GPM6A: variants seen among roughly 807,000 people sequenced by gnomAD.
GPM6A encodes the protein glycoprotein M6A.
GPM6A carries 7 observed loss-of-function variants against 32.1 expected under a neutral mutation model. The ratio of observed to expected loss-of-function variants is 0.22; its 90% CI spans 0.12 to 0.41. GPM6A has a LOEUF of 0.41. GPM6A is among the 10% of genes least tolerant of loss of function. The pLI is 1.00. For missense variants in GPM6A, 235 were observed against 347.2 expected (o/e 0.68, Z 2.57); for synonymous variants, 130 against 123.4 (o/e 1.05, Z -0.35).
At chr4:175,822,852 G>A (rs1309408850) in intron 1 of GPM6A, among the ~76,000 whole-genome samples, 4 of 151,824 alleles carry the variant, frequency 2.6e-5, no homozygotes, top group Non-Finnish European at 4.4e-5. Context: ...GGCAGGCCCC[G>A]GTGTGTGATG....
chr4:175,991,953 T>C (rs942020423), intron 1 of GPM6A, among the ~76,000 whole-genome samples: 7 of 151,822 alleles, frequency 4.6e-5, no homozygotes, highest in Non-Finnish European at 8.8e-5. Flanking sequence ...GTAAAATGAT[T>C]CCATCATAAC....
chr4:175,950,157 C>A (rs1739758586), intron 1 of GPM6A, among the ~76,000 whole-genome samples: 1 of 152,098 alleles, frequency 6.6e-6, no homozygotes, highest in South Asian at 2.1e-4. Context: ...TAATATATTT[C>A]TTTCTACTGT....
chr4:175,763,742 T>A (rs1193076009), intron 1 of GPM6A, among the ~76,000 whole-genome samples: 1 of 152,074 alleles, frequency 6.6e-6, no homozygotes, highest in Non-Finnish European at 1.5e-5. Context: ...CAGGCTTTTT[T>A]AAAAAAACAG....
intron 1 of GPM6A, among the ~76,000 whole-genome samples, chr4:175,803,131 C>T (rs1734538309): frequency 1.3e-5 from 2 of 150,708 alleles, no homozygotes; most frequent in Non-Finnish European, 3.0e-5. Flanking sequence ...TCTTCCCCTC[C>T]CCTCTTCCTT....
At chr4:175,977,207 C>G (rs1412641421) in intron 1 of GPM6A, among the ~76,000 whole-genome samples, 1 of 152,128 alleles carries the variant, frequency 6.6e-6, no homozygotes, top group Non-Finnish European at 1.5e-5. Context: ...TGTAAAGTAG[C>G]CAGACTGATT....
chr4:175,660,414 G>T (rs1004286815), intron 3 of GPM6A, among the ~76,000 whole-genome samples: 1 of 151,758 alleles, frequency 6.6e-6, no homozygotes, highest in Non-Finnish European at 1.5e-5. Flanking sequence ...GGACATAAAA[G>T]TTGTCTACAA....
chr4:175,812,166 C>A (rs752899483), intron 1 of GPM6A, 25 bp downstream of exon 1: 10 of 1,515,846 alleles, frequency 6.6e-6, no homozygotes, highest in Admixed American at 1.8e-5. Flanking sequence ...TACTTAGTTA[C>A]AAATAAACGC....
At chr4:175,757,262 C>T (rs1732563920) in intron 1 of GPM6A, among the ~76,000 whole-genome samples, 1 of 151,982 alleles carries the variant, frequency 6.6e-6, no homozygotes, top group Admixed American at 6.6e-5. Context: ...TGAGGACTCC[C>T]CCTGAGAGCC....
rs143065719 is a variant in GPM6A at position 175,839,110 on chromosome 4, T to C, written c.-22-26861A>G. On this transcript the variant is annotated intron_variant, in intron 1 of 7. Transcript: ENST00000280187. ...AAGATTATCCAATATAAAGTAAGCA[T>C]TAATAGCCTATTTAAAAAGCCAGAC... is the stretch of plus-strand genomic sequence containing the variant. 3.7e-3 allele frequency among the ~76,000 whole-genome samples: 565 copies of C among 152,344 alleles called. 2 individuals carry two copies. The highest frequency in any genetic ancestry group is 0.013 in the African/African-American group (530 of 41,580).
Position 175,698,115 on chromosome 4 carries a change from G to A in GPM6A, c.230+3460C>T, listed in dbSNP as rs962847843. Among the ~76,000 whole-genome samples, 7 of 152,084 alleles carry A rather than the reference G, an allele frequency of 4.6e-5. 1 individual carries two copies. Among genetic ancestry groups the A allele is most frequent in the Admixed American group, 2.6e-4 (4 of 15,252 alleles). On this transcript the variant is annotated intron_variant, in intron 2 of 6. Coordinates refer to ENST00000393658, the MANE Select transcript of GPM6A (RefSeq NM_201591.3). The stretch of plus-strand genomic sequence containing the variant: ...GAAAAGAGAGGGAGAGAGAAATTTT[G>A]TGGTCCCTGAGATAAAGAAGTAGGT...
chr4:175,727,353 A>G (rs914626158), intron 1 of GPM6A, among the ~76,000 whole-genome samples: 5 of 152,228 alleles, frequency 3.3e-5, no homozygotes, highest in Non-Finnish European at 5.9e-5. Context: ...AAGTTGAAGA[A>G]TAGCAAATAC....
intron 1 of GPM6A, among the ~76,000 whole-genome samples, chr4:175,904,040 A>G (rs1197636186): frequency 6.6e-6 from 1 of 152,208 alleles, no homozygotes; most frequent in East Asian, 1.9e-4. Context: ...ACTATATTCT[A>G]TGTGGATGGA....
intron 1 of GPM6A, among the ~76,000 whole-genome samples, chr4:175,939,199 G>A (rs763413509): frequency 2.6e-5 from 4 of 152,152 alleles, no homozygotes; most frequent in Non-Finnish European, 4.4e-5. Flanking sequence ...TGAATGCAAG[G>A]AAGACCCAGT....
chr4:176,002,189 G>T (rs984612146), intron 1 of GPM6A: 27 of 1,125,748 alleles, frequency 2.4e-5, no homozygotes, highest in South Asian at 1.5e-4. Flanking sequence ...GCCAGGCGCG[G>T]GGGGAACAGA....
intron 1 of GPM6A, among the ~76,000 whole-genome samples, chr4:175,834,171 A>G (rs1232953760): frequency 6.6e-6 from 1 of 152,088 alleles, no homozygotes; most frequent in Non-Finnish European, 1.5e-5. Flanking sequence ...CAGGCCTTTA[A>G]TCTGAAAATG....
At chr4:175,866,761 A>G (rs1736752385) in intron 1 of GPM6A, among the ~76,000 whole-genome samples, 1 of 152,190 alleles carries the variant, frequency 6.6e-6, no homozygotes, top group Non-Finnish European at 1.5e-5. Flanking sequence ...CATGTTCCCA[A>G]CTTCTTTGGG....
At chr4:175,921,042 A>C (rs934714769) in intron 1 of GPM6A, among the ~76,000 whole-genome samples, 1 of 150,612 alleles carries the variant, frequency 6.6e-6, no homozygotes, top group Non-Finnish European at 1.5e-5. Flanking sequence ...AATTTCCATC[A>C]TGAAGAAAAT....
intron 1 of GPM6A, among the ~76,000 whole-genome samples, chr4:175,974,876 G>A (rs990196729): frequency 1.3e-5 from 2 of 151,962 alleles, no homozygotes; most frequent in Admixed American, 1.3e-4. Flanking sequence ...AGAGACAGGG[G>A]TCTCCCTATA....
chr4:175,845,459 C>T (rs1044326947), intron 1 of GPM6A, among the ~76,000 whole-genome samples: 133 of 152,118 alleles, frequency 8.7e-4, no homozygotes, highest in African/African-American at 3.1e-3. Context: ...CATTGGATTA[C>T]TAACTTCTCA....
Sources: gnomAD v4.1 joint callset for allele counts (sites outside exome capture counted in the v4.1 genomes callset) on GRCh38, gnomAD v4.1.1 for gene constraint, MANE v1.5 for transcripts, NCBI Gene and HGNC (gene_info 2026-07-23, HGNC 2026-07-21) for gene names.